KIF6: variants seen among roughly 807,000 people sequenced by gnomAD.
KIF6 encodes the protein kinesin family member 6, also known as kinesin-like protein KIF6.
Under a neutral mutation model 112.7 loss-of-function variants are expected in KIF6, and 106 were observed. That is an observed-to-expected ratio of 0.94 (90% CI 0.80 to 1.11). KIF6 has a LOEUF of 1.11. Ranked by LOEUF, KIF6 falls within the 50% of genes least tolerant of loss-of-function variation. The pLI is 0.00. For synonymous variants in KIF6, 339 were observed against 339.9 expected, an observed-to-expected ratio of 1.00 and a Z score of 0.03; for missense variants, 929 against 964.0, an observed-to-expected ratio of 0.96 and a Z score of 0.48.
At chr6:39,352,098 C>A (rs1012766597) in intron 19 of KIF6, among the ~76,000 whole-genome samples, 10 of 152,216 alleles carry the variant, frequency 6.6e-5, no homozygotes, top group African/African-American at 1.9e-4. Context: ...TCTGCTTCTG[C>A]AGTTTTAAAA....
intron 5 of KIF6, among the ~76,000 whole-genome samples, chr6:39,616,173 G>C (rs1339930196): frequency 1.3e-5 from 2 of 152,186 alleles, no homozygotes; most frequent in African/African-American, 4.8e-5. Flanking sequence ...GGTAAAAAGT[G>C]TTAAATGTCA....
chr6:39,597,162 T>A (rs2150687778), intron 6 of KIF6, among the ~76,000 whole-genome samples: 1 of 152,314 alleles, frequency 6.6e-6, no homozygotes, highest in South Asian at 2.1e-4. Flanking sequence ...ACCTATATAT[T>A]CAATGCAATT....
intron 10 of KIF6, among the ~76,000 whole-genome samples, chr6:39,548,360 G>A (rs1016962932): frequency 6.6e-6 from 1 of 152,178 alleles, no homozygotes; most frequent in African/African-American, 2.4e-5. Flanking sequence ...TAGAATACAA[G>A]GAGGACCAGG....
chr6:39,657,042 C>G (rs1334476588), intron 3 of KIF6, among the ~76,000 whole-genome samples: 1 of 151,854 alleles, frequency 6.6e-6, no homozygotes, highest in African/African-American at 2.4e-5. Context: ...ACCAGCCTGA[C>G]CAACATGGAG....
At chr6:39,357,511 C>T (rs763126393) in intron 18 of KIF6, 137 bp from the exon 19 acceptor site, 33 of 547,350 alleles carry the variant, frequency 6.0e-5, no homozygotes, top group South Asian at 1.8e-4. Context: ...TGCAGTGGCG[C>T]GATCTCAGCT....
At chr6:39,382,971 TGAGAAG>T (rs1554204454) in intron 16 of KIF6, among the ~76,000 whole-genome samples, 1 of 147,554 alleles carries the variant, frequency 6.8e-6, no homozygotes, top group African/African-American at 2.6e-5. Flanking sequence ...TGTCTTCTTT[TGAGAAG>T]TGTCTGTTCC....
intron 3 of KIF6, among the ~76,000 whole-genome samples, chr6:39,685,339 G>A (rs991865277): frequency 2.0e-5 from 3 of 152,194 alleles, no homozygotes; most frequent in Admixed American, 2.0e-4. Flanking sequence ...GGGAGGCCAA[G>A]GAATTAGGTG....
At chr6:39,721,752 G>A (rs1356520943) in intron 1 of KIF6, among the ~76,000 whole-genome samples, 2 of 149,926 alleles carry the variant, frequency 1.3e-5, no homozygotes, top group Admixed American at 6.6e-5. Flanking sequence ...ATGATGTAAT[G>A]GAAATCACCA....
At chr6:39,409,575 C>T (rs770184629) in intron 15 of KIF6, among the ~76,000 whole-genome samples, 1 of 152,228 alleles carries the variant, frequency 6.6e-6, no homozygotes, top group African/African-American at 2.4e-5. Flanking sequence ...CTTTAACAAA[C>T]AGCTTGCTGT....
At chr6:39,659,459 TAATG>T (rs1484496426) in intron 3 of KIF6, among the ~76,000 whole-genome samples, 1 of 152,142 alleles carries the variant, frequency 6.6e-6, no homozygotes, top group African/African-American at 2.4e-5. Flanking sequence ...CTCACCTTAT[TAATG>T]AATGATCAAG....
intron 13 of KIF6, among the ~76,000 whole-genome samples, chr6:39,526,733 T>C (rs908105832): frequency 1.3e-5 from 2 of 152,240 alleles, no homozygotes; most frequent in Admixed American, 6.5e-5. Context: ...GATAACTGTT[T>C]GGTCAGTACT....
intron 13 of KIF6, among the ~76,000 whole-genome samples, chr6:39,537,082 A>G (rs1304098548): frequency 6.6e-6 from 1 of 152,224 alleles, no homozygotes; most frequent in Non-Finnish European, 1.5e-5. Context: ...AATAAGAGCT[A>G]TCTATGACAA....
At chr6:39,338,988 G>C (rs1014121049) in intron 22 of KIF6, among the ~76,000 whole-genome samples, 2 of 152,062 alleles carry the variant, frequency 1.3e-5, no homozygotes, top group African/African-American at 4.8e-5. Context: ...CTACAGAATA[G>C]GGGGGAGAGC....
intron 3 of KIF6, among the ~76,000 whole-genome samples, chr6:39,651,280 A>T (rs1785456022): frequency 6.6e-6 from 1 of 152,184 alleles, no homozygotes; most frequent in South Asian, 2.1e-4. Context: ...GAGATCCGAG[A>T]ATCTAGGTGA....
At chr6:39,646,154 G>A (rs1258694339) in intron 3 of KIF6, among the ~76,000 whole-genome samples, 1 of 140,012 alleles carries the variant, frequency 7.1e-6, no homozygotes. Context: ...AATAAATAAA[G>A]ATGAGAAAAT....
intron 13 of KIF6, among the ~76,000 whole-genome samples, chr6:39,508,267 C>T (rs1369320880): frequency 6.6e-6 from 1 of 151,782 alleles, no homozygotes; most frequent in East Asian, 1.9e-4. Context: ...ATAGAAATAG[C>T]TCTGGTCTAC....
intron 13 of KIF6, among the ~76,000 whole-genome samples, chr6:39,533,376 G>C (rs1297172795): frequency 6.6e-6 from 1 of 152,238 alleles, no homozygotes; most frequent in Non-Finnish European, 1.5e-5. Context: ...ACATGGCTTG[G>C]AGGGTCCTGC....
At chr6:39,401,771 C>T (rs923999150) in intron 15 of KIF6, among the ~76,000 whole-genome samples, 1 of 151,974 alleles carries the variant, frequency 6.6e-6, no homozygotes, top group African/African-American at 2.4e-5. Flanking sequence ...GCAGGTGGGG[C>T]TCTGACAACA....
chr6:39,502,318 G>C (rs1342106757), intron 13 of KIF6, among the ~76,000 whole-genome samples: 2 of 152,042 alleles, frequency 1.3e-5, no homozygotes, highest in African/African-American at 4.8e-5. Flanking sequence ...GACCTGCATT[G>C]CAAGAGCTCC....
Sources: allele counts gnomAD v4.1 joint callset (sites outside exome capture counted in the v4.1 genomes callset), GRCh38; gene constraint gnomAD v4.1.1; transcripts MANE v1.5; gene names NCBI Gene and HGNC (gene_info 2026-07-23, HGNC 2026-07-21).